The following CSPP1 variants were observed in gnomAD, a reference collection of about 807,000 sequenced individuals.
The protein encoded by CSPP1 is centrosome and spindle pole-associated protein 1.
In CSPP1, 126 loss-of-function variants were observed where a neutral mutation model predicts 164.4. The ratio of observed to expected loss-of-function variants is 0.77; its 90% confidence interval spans 0.66 to 0.89. CSPP1 has a LOEUF of 0.89. Among genes scored for constraint, CSPP1 ranks in the 40% least tolerant of loss-of-function variants. The pLI is 0.00. For missense variants in CSPP1, 1,395 were observed against 1,449.8 expected (o/e 0.96, Z 0.61); for synonymous variants, 472 against 476.7 (o/e 0.99, Z 0.13).
At position 67,113,878 on chromosome 8, in the gene CSPP1, A is replaced by G. The variant is rs1047573316; in HGVS notation, c.1245+16A>G. 3 of 1,502,040 alleles carry G rather than the reference A, an allele frequency of 2.0e-6. No individual in the cohort carries two copies. The highest frequency in any genetic ancestry group is 1.7e-4 in the Middle Eastern group (1 of 5,810). 93.0% of individuals were successfully genotyped at this position (1,502,040 alleles called of 1,614,324 possible). On this transcript the variant is annotated intron_variant, in intron 11 of 30. Coordinates refer to ENST00000678616, the MANE Select transcript of CSPP1 (RefSeq NM_001382391.1). ...TGAGAAATCGGTAAGGGTTTCTGGC[A>G]TCTTTTAATGTTTAATCTTTCATCA...
chr8:67,088,331 A>T (rs1810850229), intron 4 of CSPP1, among the ~76,000 whole-genome samples: 1 of 151,762 alleles, frequency 6.6e-6, no homozygotes, highest in Non-Finnish European at 1.5e-5. Context: ...TCTGTCGCCC[A>T]GGCTGGAGTG....
At chr8:67,149,988 T>A (rs1825400120) in intron 18 of CSPP1, 53 bp downstream of exon 18, 1 of 1,434,412 alleles carries the variant, frequency 7.0e-7, no homozygotes. Flanking sequence ...CTGAAATTGT[T>A]CAGTAACATT....
At chr8:67,180,827 GAAGAT>G (rs1832821684) in intron 28 of CSPP1, among the ~76,000 whole-genome samples, 1 of 151,812 alleles carries the variant, frequency 6.6e-6, no homozygotes, top group Admixed American at 6.6e-5. Flanking sequence ...TTAGTCTTCA[GAAGAT>G]AAGTAAAGGT....
chr8:67,077,380 G>A (rs576204383), intron 3 of CSPP1, among the ~76,000 whole-genome samples: 23 of 151,948 alleles, frequency 1.5e-4, no homozygotes, highest in Non-Finnish European at 7.4e-5. Context: ...CTGTCGCCCA[G>A]GCTGGAGTGC....
At chr8:67,159,905 TTTC>T (rs1827634497) in intron 21 of CSPP1, among the ~76,000 whole-genome samples, 2 of 67,238 alleles carry the variant, frequency 3.0e-5, no homozygotes, top group South Asian at 1.1e-3. Flanking sequence ...TCTTTCTTTC[TTTC>T]TTTCTTTCTT....
intron 29 of CSPP1, 119 bp downstream of exon 29, chr8:67,190,878 C>T: frequency 1.4e-6 from 1 of 715,798 alleles, no homozygotes. Flanking sequence ...AGACATGGGT[C>T]TGAATCTAGG....
intron 27 of CSPP1, among the ~76,000 whole-genome samples, chr8:67,179,256 C>T (rs115037615): frequency 0.016 from 2,393 of 151,792 alleles, 66 homozygotes; most frequent in African/African-American, 0.055. Context: ...CATTTTTTTT[C>T]GTTACTATAC....
At chr8:67,065,596 T>TAA in intron 1 of CSPP1, 1 of 712,936 alleles carries the variant, frequency 1.4e-6, no homozygotes, top group Non-Finnish European at 1.7e-6. Context: ...TTCTGGTGAT[T>TAA]AAATGTCTGC....
intron 3 of CSPP1, chr8:67,083,892 A>ATTGTTCCCCC (rs1290362908): frequency 1.3e-5 from 2 of 152,072 alleles, no homozygotes; most frequent in Non-Finnish European, 2.9e-5. Context: ...AGTATAGTAT[A>ATTGTTCCCCC]TTGTTCCCCC....
intron 3 of CSPP1, among the ~76,000 whole-genome samples, chr8:67,084,887 T>C (rs1481987775): frequency 6.6e-6 from 1 of 152,200 alleles, no homozygotes; most frequent in Non-Finnish European, 1.5e-5. Flanking sequence ...CTTGACATAG[T>C]ATTTTATTAT....
chr8:67,145,148 A>G (rs573815152), intron 17 of CSPP1, among the ~76,000 whole-genome samples: 2 of 151,616 alleles, frequency 1.3e-5, no homozygotes, highest in Admixed American at 6.6e-5. Context: ...CACTTTATTT[A>G]ATAGATAAAG....
chr8:67,088,892 G>A (rs1362740956), intron 4 of CSPP1, among the ~76,000 whole-genome samples: 1 of 142,894 alleles, frequency 7.0e-6, no homozygotes, highest in Admixed American at 6.9e-5. Context: ...GTGAGAATCC[G>A]TCTCAAAAAA....
chr8:67,172,439 A>G lies in CSPP1; in HGVS notation c.2852A>G (p.Asp951Gly). 1 of 1,613,114 alleles carries G rather than the reference A, an allele frequency of 6.2e-7. No homozygotes were observed. ...PIRKKERNPM[D>G]IFDMARHRLQ... ...AGGAAAAAGGAAAGGAATCCCATGG[A>G]TATATTTGATATGGCTAGACATCGG... Residue 951 changes from aspartate (D) to glycine (G), a missense_variant, in exon 25 of 31, where the codon GAT (aspartate) becomes GGT (glycine). Physicochemically the swap from Asp to Gly is moderately conservative, Grantham distance 94 (BLOSUM62 -1). Transcript: ENST00000678616.
rs1837835074 is a variant in CSPP1, at chr8:67,195,837, AACT to A, written c.*245_*247del. The A allele has an allele frequency of 2.2e-6, 1 of 448,732 alleles. No individual in the cohort carries two copies. The highest frequency in any genetic ancestry group is 2.0e-5 in the African/African-American group (1 of 50,768). The allele number at this position is 448,732 out of a possible 1,614,324, so 27.8% of individuals were successfully genotyped here. A position where few individuals can be genotyped will look rare whatever the true frequency, so the allele number is the denominator to read the frequency against. ...TTTGTCATAAATTAGGGTGGTAATG[AACT>A]GGATTGAACTACTATATGTGCATTA... On this transcript the variant is annotated 3_prime_UTR_variant, in exon 31 of 31. Coordinates refer to ENST00000678616, the MANE Select transcript of CSPP1 (RefSeq NM_001382391.1).
rs554990633 is a variant in CSPP1, at chr8:67,114,586, A to G, written c.1287+216A>G. On this transcript the variant is annotated intron_variant, in intron 12 of 30. Transcript: ENST00000678616. The stretch of plus-strand genomic sequence containing the variant: ...ATGCTGAGAATATATCCTGTGGGTT[A>G]TCTATTTGGAAAAGTTTCATATTGC... 5 of 152,384 alleles carry G rather than the reference A, an allele frequency of 3.3e-5. No individual in the cohort carries two copies. In the South Asian group the frequency reaches 1.0e-3, roughly 32 times the overall value. The allele number at this position is 152,384 out of a possible 1,614,324, so 9.4% of individuals were successfully genotyped here. A position where few individuals can be genotyped will look rare whatever the true frequency, so the allele number is the denominator to read the frequency against.
intron 17 of CSPP1, 28 bp from the exon 18 acceptor site, chr8:67,149,755 A>T: frequency 6.9e-7 from 1 of 1,459,148 alleles, no homozygotes; most frequent in Non-Finnish European, 9.1e-7. Flanking sequence ...GTGTTTATTG[A>T]AATAAATGGC....
intron 29 of CSPP1, among the ~76,000 whole-genome samples, chr8:67,192,321 T>G (rs1836570663): frequency 6.6e-6 from 1 of 152,134 alleles, no homozygotes; most frequent in South Asian, 2.1e-4. Context: ...GTGATCCACC[T>G]GCCTCGGCCT....
rs939623844 is a variant in CSPP1, at chr8:67,193,530, G to C, written c.3397G>C (p.Asp1133His). 1 of 1,612,836 alleles carries C rather than the reference G, an allele frequency of 6.2e-7. No individual in the cohort carries two copies. The highest frequency in any genetic ancestry group is 1.3e-5 in the African/African-American group (1 of 74,920). Residue 1133 changes from aspartate to histidine, a missense_variant, in exon 30 of 31, where the codon GAT (aspartate) becomes CAT (histidine). Coordinates refer to ENST00000678616, the MANE Select transcript of CSPP1 (RefSeq NM_001382391.1). ...AAAATCTATATCCAGTGTAAATGTT[G>C]ATGAGCTTAGAGTGAGAAATGAGGA... ...SLKSISSVNV[D>H]ELRVRNEERM...
chr8:67,164,356 T>C, intron 23 of CSPP1, 35 bp from the exon 24 acceptor site: 1 of 971,388 alleles, frequency 1.0e-6, no homozygotes, highest in African/African-American at 1.6e-5. Context: ...TTCTTATTCC[T>C]GTCTTGTGTT....
Sources: allele counts gnomAD v4.1 joint callset (sites outside exome capture counted in the v4.1 genomes callset), GRCh38; gene constraint gnomAD v4.1.1; transcripts MANE v1.5; gene names NCBI Gene and HGNC (gene_info 2026-07-23, HGNC 2026-07-21).